The following TFAP2D variants were observed in gnomAD, a reference collection of about 807,000 sequenced individuals.
TFAP2D encodes the protein transcription factor AP-2-delta.
A neutral mutation model predicts 43.6 loss-of-function variants in TFAP2D; 9 were observed. That is an observed-to-expected ratio of 0.21 (90% CI 0.12 to 0.36). The LOEUF (loss-of-function observed/expected upper bound fraction) is 0.36. Ranked by LOEUF, TFAP2D falls within the 10% of genes least tolerant of loss-of-function variation. The pLI is 1.00. For synonymous variants in TFAP2D, 256 were observed against 224.9 expected (o/e 1.14, Z -1.24); for missense variants, 513 against 561.4 (o/e 0.91, Z 0.87).
intron 1 of TFAP2D, 137 bp from the exon 2 acceptor site, chr6:50,714,979 G>A (rs906151985): frequency 2.5e-6 from 3 of 1,182,126 alleles, no homozygotes; most frequent in Admixed American, 5.4e-5. Flanking sequence ...ACCCGGCTTC[G>A]GCTCGGCCCG....
chr6:50,714,999 C>T, intron 1 of TFAP2D, 117 bp from the exon 2 acceptor site: 4 of 1,380,052 alleles, frequency 2.9e-6, no homozygotes, highest in Non-Finnish European at 3.9e-6. Flanking sequence ...GAGTCCTACG[C>T]GCTCGCTTTC....
Position 50,727,254 on chromosome 6 carries a change from T to C in TFAP2D, c.599-1602T>C, listed in dbSNP as rs546135315. Among the ~76,000 whole-genome samples the C allele has an allele frequency of 4.6e-5, 7 of 152,282 alleles. No individual in the cohort carries two copies. In the South Asian group the frequency reaches 1.4e-3, roughly 32 times the overall value. ...GACAGTCAGGAAGAATTCCAGAAGGTACAGGGGTAGAAATGTTTTAAGAGT... is the reference window on the plus strand; with the variant it reads ...GACAGTCAGGAAGAATTCCAGAAGGCACAGGGGTAGAAATGTTTTAAGAGT... On this transcript the variant is annotated intron_variant, in intron 3 of 7. Transcript: ENST00000008391.
chr6:50,714,252 A>C (rs1009244770), intron 1 of TFAP2D, among the ~76,000 whole-genome samples, 158 bp downstream of exon 1: 1 of 151,674 alleles, frequency 6.6e-6, no homozygotes, highest in African/African-American at 2.4e-5. Flanking sequence ...GAAGTTAAGG[A>C]AGGAAAGGGG....
intron 7 of TFAP2D, among the ~76,000 whole-genome samples, chr6:50,768,966 G>A (rs1031524760): frequency 1.4e-5 from 2 of 142,308 alleles, no homozygotes; most frequent in Non-Finnish European, 3.0e-5. Flanking sequence ...GCAATAGCAC[G>A]ATCTTGCCTC....
chr6:50,742,711 T>C (rs971103965), intron 5 of TFAP2D, among the ~76,000 whole-genome samples: 1 of 152,180 alleles, frequency 6.6e-6, no homozygotes. Flanking sequence ...GCTATATTAA[T>C]ACATGTAACT....
chr6:50,728,729 G>A (rs1768842140), intron 3 of TFAP2D, 127 bp from the exon 4 acceptor site: 2 of 843,932 alleles, frequency 2.4e-6, no homozygotes, highest in East Asian at 2.5e-5. Context: ...GATGATCTGG[G>A]GGATATATAA....
At chr6:50,723,186 T>A (rs1768757323) in intron 3 of TFAP2D, among the ~76,000 whole-genome samples, 2 of 151,034 alleles carry the variant, frequency 1.3e-5, no homozygotes, top group Admixed American at 6.6e-5. Flanking sequence ...TTAATTTCTT[T>A]AAAAAAAAAA....
At chr6:50,772,356 G>A (rs941601590) in intron 7 of TFAP2D, among the ~76,000 whole-genome samples, 5 of 152,042 alleles carry the variant, frequency 3.3e-5, no homozygotes, top group South Asian at 2.1e-4. Context: ...AAACCTGCAC[G>A]TTGTGCACAT....
At chr6:50,720,670 G>A (rs1436953953) in intron 3 of TFAP2D, among the ~76,000 whole-genome samples, 1 of 152,138 alleles carries the variant, frequency 6.6e-6, no homozygotes, top group Non-Finnish European at 1.5e-5. Context: ...GCACTGTGTT[G>A]GAGGAGGCAA....
At chr6:50,721,166 G>GAAT (rs1768717049) in intron 3 of TFAP2D, among the ~76,000 whole-genome samples, 3 of 152,142 alleles carry the variant, frequency 2.0e-5, no homozygotes, top group Non-Finnish European at 4.4e-5. Flanking sequence ...GTAGAATTCG[G>GAAT]TCCCTATTCG....
intron 5 of TFAP2D, among the ~76,000 whole-genome samples, chr6:50,743,618 C>G (rs1581769669): frequency 6.6e-6 from 1 of 152,024 alleles, no homozygotes; most frequent in African/African-American, 2.4e-5. Context: ...CTCCTGGGCT[C>G]AAGGGGTTCT....
chr6:50,726,041 T>C (rs1561932748), intron 3 of TFAP2D, among the ~76,000 whole-genome samples: 2 of 152,234 alleles, frequency 1.3e-5, no homozygotes, highest in Admixed American at 6.5e-5. Context: ...ATACTCTTAA[T>C]ATGCAGCTTG....
At chr6:50,742,573 C>CTAG (rs1444922150) in intron 5 of TFAP2D, among the ~76,000 whole-genome samples, 3 of 145,498 alleles carry the variant, frequency 2.1e-5, no homozygotes, top group African/African-American at 7.7e-5. Flanking sequence ...GACAGACACA[C>CTAG]ATAGATAGAT....
At chr6:50,743,830 G>C (rs1397181087) in intron 5 of TFAP2D, among the ~76,000 whole-genome samples, 1 of 151,884 alleles carries the variant, frequency 6.6e-6, no homozygotes, top group African/African-American at 2.4e-5. Flanking sequence ...AACATGAAAA[G>C]ATTATAGGTA....
chr6:50,714,241 G>A, intron 1 of TFAP2D, 147 bp downstream of exon 1: 1 of 941,958 alleles, frequency 1.1e-6, no homozygotes, highest in Admixed American at 3.1e-5. Flanking sequence ...GTCTTTCGGG[G>A]GAAGTTAAGG....
chr6:50,759,234 G>A (rs1173490534), intron 7 of TFAP2D, among the ~76,000 whole-genome samples: 1 of 151,950 alleles, frequency 6.6e-6, no homozygotes. Flanking sequence ...AATCCACAGA[G>A]AGACAATATG....
At position 50,745,253 on chromosome 6, in the gene TFAP2D, G is replaced by A. The variant is rs1196153043; in HGVS notation, c.1025+5G>A. 2 of 1,613,248 alleles carry A rather than the reference G, an allele frequency of 1.2e-6. No homozygotes were observed. The highest frequency in any genetic ancestry group is 1.7e-5 in the Admixed American group (1 of 59,836). On this transcript the variant is annotated splice_donor_5th_base_variant and intron_variant, in intron 6 of 7. Coordinates refer to ENST00000008391, the MANE Select transcript of TFAP2D (RefSeq NM_172238.4). ...AAAGATGATCCTGGCGACCAAGTAA[G>A]CAGAATGGGGAAACCTCTGTGTGCT...
chr6:50,756,632 C>T (rs1312405567), intron 7 of TFAP2D, among the ~76,000 whole-genome samples: 1 of 152,030 alleles, frequency 6.6e-6, no homozygotes, highest in East Asian at 1.9e-4. Flanking sequence ...GCCTGGAAAG[C>T]TTCTTGTTTC....
intron 1 of TFAP2D, among the ~76,000 whole-genome samples, chr6:50,714,912 G>A (rs1469973975): frequency 6.6e-6 from 1 of 151,978 alleles, no homozygotes. Context: ...CTGTGAGGAC[G>A]AGGCCGCCCA....
Sources: allele counts gnomAD v4.1 joint callset (sites outside exome capture counted in the v4.1 genomes callset), GRCh38; gene constraint gnomAD v4.1.1; transcripts MANE v1.5; gene names NCBI Gene and HGNC (gene_info 2026-07-23, HGNC 2026-07-21).